Variants in NLGN1 observed in about 807,000 individuals in gnomAD.
The protein encoded by NLGN1 is neuroligin-1.
In NLGN1, 12 loss-of-function variants were observed where a neutral mutation model predicts 65.5. The ratio of observed to expected loss-of-function variants is 0.18; its 90% CI spans 0.12 to 0.30. The LOEUF (loss-of-function observed/expected upper bound fraction) is 0.30, where lower values mean the gene tolerates loss of function less well. Among genes scored for constraint, NLGN1 ranks in the 10% least tolerant of loss-of-function variants. NLGN1 has a pLI of 1.00. For synonymous variants in NLGN1, 350 were observed against 359.5 expected (o/e 0.97, Z 0.30); for missense variants, 750 against 1,007.1 (o/e 0.74, Z 3.46).
intron 3 of NLGN1, among the ~76,000 whole-genome samples, chr3:173,782,202 C>T (rs1267385779): frequency 6.6e-6 from 1 of 151,934 alleles, no homozygotes; most frequent in African/African-American, 2.4e-5. Flanking sequence ...TTGGGAAAGA[C>T]AGGGTGTTGA....
chr3:174,032,550 T>C (rs1730244141), intron 4 of NLGN1, among the ~76,000 whole-genome samples: 1 of 152,180 alleles, frequency 6.6e-6, no homozygotes. Flanking sequence ...CATGGAAATA[T>C]GTTTTAAAGA....
intron 4 of NLGN1, among the ~76,000 whole-genome samples, chr3:174,211,893 A>G (rs1430278218): frequency 3.3e-5 from 5 of 152,200 alleles, no homozygotes; most frequent in Non-Finnish European, 7.3e-5. Context: ...CAGACTCAGG[A>G]GCCCAGCTGG....
chr3:173,957,172 T>C (rs1712285827), intron 4 of NLGN1, among the ~76,000 whole-genome samples: 1 of 152,164 alleles, frequency 6.6e-6, no homozygotes, highest in Admixed American at 6.5e-5. Context: ...TAAAAGTATA[T>C]GTCTTTCTGA....
intron 2 of NLGN1, among the ~76,000 whole-genome samples, chr3:173,438,687 GTC>G (rs996583559): frequency 6.6e-6 from 1 of 152,222 alleles, no homozygotes; most frequent in African/African-American, 2.4e-5. Flanking sequence ...ATCATTAATA[GTC>G]TCTCACACGT....
chr3:174,039,510 A>G (rs1731839533), intron 4 of NLGN1, among the ~76,000 whole-genome samples: 1 of 152,050 alleles, frequency 6.6e-6, no homozygotes, highest in Non-Finnish European at 1.5e-5. Flanking sequence ...AGAACTATCC[A>G]AGATGTCTAG....
At chr3:174,242,711 G>T (rs1743117513) in intron 4 of NLGN1, among the ~76,000 whole-genome samples, 1 of 152,072 alleles carries the variant, frequency 6.6e-6, no homozygotes, top group South Asian at 2.1e-4. Context: ...ACATTATGGT[G>T]AATTATATAA....
chr3:173,525,252 T>A (rs1178503032), intron 2 of NLGN1, among the ~76,000 whole-genome samples: 4 of 152,060 alleles, frequency 2.6e-5, no homozygotes, highest in Non-Finnish European at 4.4e-5. Context: ...GTTGTTGTTG[T>A]TGTTGTTGTT....
intron 4 of NLGN1, among the ~76,000 whole-genome samples, chr3:174,006,723 A>C (rs1724490498): frequency 1.3e-5 from 2 of 152,130 alleles, no homozygotes; most frequent in Admixed American, 1.3e-4. Flanking sequence ...ATTAAGTTAA[A>C]ATGAGGCTGT....
At chr3:174,289,903 A>ATATATATGTATGTATATATATGTG (rs1167355271), downstream of NLGN1, among the ~76,000 whole-genome samples, 9 of 145,986 alleles carry the variant, frequency 6.2e-5, no homozygotes, top group African/African-American at 2.0e-4. Flanking sequence ...CACTTTATAT[A>ATATATATGTATGTATATATATGTG]TATATATGTA....
intron 2 of NLGN1, among the ~76,000 whole-genome samples, chr3:173,495,170 A>G (rs950062943): frequency 3.3e-5 from 5 of 151,722 alleles, no homozygotes; most frequent in South Asian, 2.1e-4. Context: ...TCTCTCAGCA[A>G]TGCTTTTATC....
intron 3 of NLGN1, among the ~76,000 whole-genome samples, chr3:173,655,200 A>G (rs145937326): frequency 6.6e-6 from 1 of 152,338 alleles, no homozygotes; most frequent in East Asian, 1.9e-4. Flanking sequence ...AGGAAAAAAT[A>G]GAGCAGGCAA....
At chr3:174,146,315 A>G (rs1046763867) in intron 4 of NLGN1, among the ~76,000 whole-genome samples, 2 of 152,154 alleles carry the variant, frequency 1.3e-5, no homozygotes, top group Non-Finnish European at 1.5e-5. Flanking sequence ...TAAGATTTTT[A>G]AAGAAGCATT....
intron 2 of NLGN1, among the ~76,000 whole-genome samples, chr3:173,543,345 G>A (rs557385255): frequency 5.3e-5 from 8 of 152,072 alleles, no homozygotes; most frequent in Non-Finnish European, 8.8e-5. Context: ...CTTGGATGTC[G>A]GGCTTCCCTA....
chr3:173,703,953 T>G (rs1767637643), intron 3 of NLGN1, among the ~76,000 whole-genome samples: 1 of 152,228 alleles, frequency 6.6e-6, no homozygotes, highest in South Asian at 2.1e-4. Flanking sequence ...TAGGCCTACC[T>G]GCATGGAGCC....
intron 3 of NLGN1, among the ~76,000 whole-genome samples, chr3:173,617,174 C>G (rs1045763892): frequency 6.6e-6 from 1 of 152,160 alleles, no homozygotes; most frequent in Non-Finnish European, 1.5e-5. Flanking sequence ...GTCAAAACAG[C>G]CTTTGCTGAT....
chr3:174,025,607 G>C (rs1382452130), intron 4 of NLGN1, among the ~76,000 whole-genome samples: 2 of 152,036 alleles, frequency 1.3e-5, no homozygotes, highest in Non-Finnish European at 2.9e-5. Flanking sequence ...CATATAATAA[G>C]ATATTTAAAC....
chr3:174,114,110 T>A (rs1178129039), intron 4 of NLGN1, among the ~76,000 whole-genome samples: 1 of 152,188 alleles, frequency 6.6e-6, no homozygotes, highest in Middle Eastern at 3.2e-3. Flanking sequence ...TAAATAGAAC[T>A]CCTCTTGTGT....
intron 4 of NLGN1, among the ~76,000 whole-genome samples, chr3:174,216,272 A>G (rs964587997): frequency 6.6e-6 from 1 of 152,152 alleles, no homozygotes; most frequent in Non-Finnish European, 1.5e-5. Flanking sequence ...AGGACAAAGA[A>G]GGCTTCACAG....
At chr3:174,288,716 A>G (rs1346216084), downstream of NLGN1, among the ~76,000 whole-genome samples, 1 of 151,492 alleles carries the variant, frequency 6.6e-6, no homozygotes, top group Non-Finnish European at 1.5e-5. Flanking sequence ...GATTGACCAT[A>G]ATAAACACTT....
Sources: gnomAD v4.1 joint callset for allele counts (sites outside exome capture counted in the v4.1 genomes callset) on GRCh38, gnomAD v4.1.1 for gene constraint, MANE v1.5 for transcripts, NCBI Gene and HGNC (gene_info 2026-07-23, HGNC 2026-07-21) for gene names.